LMOD1: variants seen among roughly 807,000 people sequenced by gnomAD.
The protein encoded by LMOD1 is leiomodin-1.
In LMOD1, 8 loss-of-function variants were observed where a neutral mutation model predicts 36.5. The observed-to-expected ratio is 0.22, with a 90% CI of 0.13 to 0.40. The LOEUF is 0.40. Among genes scored for constraint, LMOD1 ranks in the 10% least tolerant of loss-of-function variants. LMOD1 has a pLI of 1.00. For synonymous variants in LMOD1, 284 were observed against 288.7 expected (o/e 0.98, Z 0.17); for missense variants, 630 against 751.1 (o/e 0.84, Z 1.88).
rs1435336403 is a variant in LMOD1 at position 201,898,290 on chromosome 1, G to A, written c.*82C>T. 1 of 1,424,542 alleles carries A rather than the reference G, an allele frequency of 7.0e-7. No homozygotes were observed. Among genetic ancestry groups the A allele is most frequent in the Non-Finnish European group, 9.8e-7 (1 of 1,021,860 alleles). The allele number at this position is 1,424,542 out of a possible 1,614,324, so 88.2% of individuals were successfully genotyped here. On this transcript the variant is annotated 3_prime_UTR_variant, in exon 3 of 3. Transcript: ENST00000367288. ...CATCCACAGCAGGTCAGCCAGGGAT[G>A]GGGTGGGCAGGGTCTGTGTAGCCCT...
chr1:201,929,837 T>C (rs1197274652), intron 1 of LMOD1, among the ~76,000 whole-genome samples: 1 of 152,052 alleles, frequency 6.6e-6, no homozygotes, highest in Non-Finnish European at 1.5e-5. Flanking sequence ...AAACAGACAA[T>C]GCTGAAATGA....
At chr1:201,902,857 C>T (rs567071167) in intron 1 of LMOD1, among the ~76,000 whole-genome samples, 2 of 152,288 alleles carry the variant, frequency 1.3e-5, no homozygotes, top group East Asian at 1.9e-4. Context: ...ACTTGCTTCT[C>T]GTCTTCATCA....
chr1:201,920,624 AAAG>A (rs543668586), intron 1 of LMOD1, among the ~76,000 whole-genome samples: 58 of 152,322 alleles, frequency 3.8e-4, no homozygotes, highest in African/African-American at 1.3e-3. Context: ...TGGAAGGGAG[AAAG>A]AAAAGCCAAG....
chr1:201,925,754 G>A (rs902618376), intron 1 of LMOD1, among the ~76,000 whole-genome samples: 1 of 151,558 alleles, frequency 6.6e-6, no homozygotes, highest in African/African-American at 2.4e-5. Context: ...GCCCAGGCTG[G>A]AGTGCAGTGG....
chr1:201,903,642 C>G (rs1040978533), intron 1 of LMOD1, among the ~76,000 whole-genome samples: 1 of 152,214 alleles, frequency 6.6e-6, no homozygotes, highest in Non-Finnish European at 1.5e-5. Context: ...TCCCTGATCC[C>G]ATCAAGTTGA....
At chr1:201,942,643 G>A (rs1346175641) in intron 1 of LMOD1, among the ~76,000 whole-genome samples, 3 of 151,806 alleles carry the variant, frequency 2.0e-5, no homozygotes, top group Non-Finnish European at 4.4e-5. Flanking sequence ...ACTGTCTTAA[G>A]GCCAACCTCC....
rs71141426 is a variant in LMOD1 at position 201,933,595 on chromosome 1, TTATATATA to T, written c.261+12477_261+12484del. On this transcript the variant is annotated intron_variant, in intron 1 of 2. Coordinates refer to ENST00000367288, the MANE Select transcript of LMOD1 (RefSeq NM_012134.3). ...TTATATATGTACACATATACATACA[TTATATATA>T]TATATATATATATATATATATGGCA... 1.8e-3 allele frequency among the ~76,000 whole-genome samples: 116 copies of T among 63,220 alleles called. 3 individuals are homozygous for T. The highest frequency in any genetic ancestry group is 7.9e-3 in the Middle Eastern group (1 of 126). The allele number at this position is 63,220 out of a possible 152,430, so 41.5% of individuals were successfully genotyped here. A position where few individuals can be genotyped will look rare whatever the true frequency, so the allele number is the denominator to read the frequency against.
rs569622084 is a variant in LMOD1, at chr1:201,907,644, A to G, written c.262-6893T>C. Among the ~76,000 whole-genome samples the G allele has an allele frequency of 2.0e-5, 3 of 151,944 alleles. No individual in the cohort carries two copies. In the South Asian group the frequency reaches 6.3e-4, roughly 32 times the overall value. ...GCTTTGAGAAGCCTCCCCCAAACCC[A>G]CCCCAGTCCTATGGTGACAGAGGCC... On this transcript the variant is annotated intron_variant, in intron 1 of 2. Coordinates refer to ENST00000367288, the MANE Select transcript of LMOD1 (RefSeq NM_012134.3).
intron 1 of LMOD1, among the ~76,000 whole-genome samples, chr1:201,921,487 C>CAAA (rs57488982): frequency 5.0e-5 from 3 of 59,796 alleles, no homozygotes; most frequent in South Asian, 7.6e-4. Flanking sequence ...GACTCCATCT[C>CAAA]AAAAAAAAAA....
chr1:201,924,940 C>G (rs993058864), intron 1 of LMOD1, among the ~76,000 whole-genome samples: 3 of 152,160 alleles, frequency 2.0e-5, no homozygotes, highest in Non-Finnish European at 4.4e-5. Context: ...TCCGGCTGAG[C>G]GTGGTGGCTC....
intron 1 of LMOD1, among the ~76,000 whole-genome samples, chr1:201,901,536 A>ATATATATATATATATATG (rs1681306200): frequency 2.2e-5 from 1 of 44,588 alleles, no homozygotes; most frequent in Non-Finnish European, 3.9e-5. Flanking sequence ...ATATGTATAT[A>ATATATATATATATATATG]TATATATATA....
chr1:201,912,291 C>T (rs567630530), intron 1 of LMOD1, among the ~76,000 whole-genome samples: 2 of 152,250 alleles, frequency 1.3e-5, no homozygotes, highest in East Asian at 1.9e-4. Context: ...CATTTTTACC[C>T]GGCCTCACTC....
Position 201,920,494 on chromosome 1 carries a change from C to T in LMOD1, c.262-19743G>A, listed in dbSNP as rs544834338. On this transcript the variant is annotated intron_variant, in intron 1 of 2. Transcript: ENST00000367288. ...GACACCGGTTTTTCCTATGCCAAGG[C>T]CACAGAGACCAGAATTCCACTTGCT... 1.8e-4 allele frequency among the ~76,000 whole-genome samples: 28 copies of T among 152,210 alleles called. No homozygotes were observed. In the South Asian group the frequency reaches 5.8e-3, roughly 32 times the overall value.
intron 1 of LMOD1, among the ~76,000 whole-genome samples, chr1:201,919,518 T>C (rs991286417): frequency 1.3e-5 from 2 of 152,192 alleles, no homozygotes; most frequent in Non-Finnish European, 2.9e-5. Flanking sequence ...TTCTTCTTTT[T>C]TAACCTGACT....
intron 1 of LMOD1, among the ~76,000 whole-genome samples, chr1:201,922,126 C>A (rs1390398): frequency 0.66 from 100,742 of 151,996 alleles, 34,575 homozygotes; most frequent in Non-Finnish European, 0.77. Context: ...AATTGGACCC[C>A]TTGTATGTTG....
At chr1:201,945,356 G>A (rs1300332203) in intron 1 of LMOD1, among the ~76,000 whole-genome samples, 5 of 152,060 alleles carry the variant, frequency 3.3e-5, no homozygotes, top group East Asian at 1.9e-4. Flanking sequence ...AAGCGGCCTC[G>A]CCAGCTGCTA....
chr1:201,905,506 A>G (rs868688524), intron 1 of LMOD1, among the ~76,000 whole-genome samples: 10 of 152,234 alleles, frequency 6.6e-5, no homozygotes, highest in African/African-American at 2.4e-4. Context: ...TTGGCAAAAG[A>G]TGAGAGGAAA....
chr1:201,909,763 C>T (rs576935698), intron 1 of LMOD1, among the ~76,000 whole-genome samples: 1 of 152,344 alleles, frequency 6.6e-6, no homozygotes. Context: ...CAGTTATGCA[C>T]TCATGCAGTC....
At chr1:201,910,310 G>C (rs1352535804) in intron 1 of LMOD1, among the ~76,000 whole-genome samples, 1 of 142,526 alleles carries the variant, frequency 7.0e-6, no homozygotes, top group Non-Finnish European at 1.5e-5. Flanking sequence ...GTTTCACCCT[G>C]TTGCCTAGGT....
Sources: allele counts gnomAD v4.1 joint callset (sites outside exome capture counted in the v4.1 genomes callset), GRCh38; gene constraint gnomAD v4.1.1; transcripts MANE v1.5; gene names NCBI Gene and HGNC (gene_info 2026-07-23, HGNC 2026-07-21).